FBLN1: variants seen among roughly 807,000 people sequenced by gnomAD.
FBLN1 encodes the protein fibulin-1.
In FBLN1, 34 loss-of-function variants were observed where a neutral mutation model predicts 89.7. The ratio of observed to expected loss-of-function variants is 0.38; its 90% CI spans 0.29 to 0.50. The LOEUF is 0.50. FBLN1 is among the 20% of genes least tolerant of loss of function. The pLI is 0.92. For missense variants in FBLN1, 777 were observed against 988.1 expected (o/e 0.79, Z 2.86); for synonymous variants, 393 against 391.3 (o/e 1.00, Z -0.05).
chr22:45,550,600 G>A lies in FBLN1; in HGVS notation c.1682G>A (p.Arg561His), dbSNP rs373363678. Residue 561 changes from arginine (R) to histidine (H), a missense_variant, in exon 14 of 17, where the codon CGC becomes CAC. Arg to His is a conservative substitution (Grantham distance 29). Transcript: ENST00000327858. This position sits in a 1 kb window ranked among gnomAD's most constrained non-coding sequence, Gnocchi z 8.4. ...CLAFECPENY[R>H]RSAATLQQEK... ...GCCTTCGAGTGCCCTGAGAACTACC[G>A]CCGCTCCGCAGCCACGTAAGTCCCT... 2.7e-5 allele frequency: 44 copies of A among 1,613,922 alleles called. No individual in the cohort carries two copies. Among genetic ancestry groups the A allele is most frequent in the Admixed American group, 6.7e-5 (4 of 60,006 alleles).
intron 1 of FBLN1, chr22:45,517,774 C>A: frequency 2.6e-6 from 1 of 382,586 alleles, no homozygotes; most frequent in Non-Finnish European, 5.3e-6. Flanking sequence ...CCCCCTCCTG[C>A]CCCTTTGCTC....
In FBLN1 at chr22:45,597,249, C is replaced by T. The variant is rs538406671; in HGVS notation, c.1973-3058C>T. ...AACTCATGGGCTTGTGATCTGCCCG[C>T]CTAAGCCTCCCAAAGTGCTGGGATT... is the stretch of plus-strand genomic sequence containing the variant. On this transcript the variant is annotated intron_variant, in intron 16 of 16. Transcript: ENST00000327858. This position sits in a 1 kb window ranked among gnomAD's most constrained non-coding sequence, Gnocchi z 4.2. 4.1e-4 allele frequency among the ~76,000 whole-genome samples: 63 copies of T among 152,304 alleles called. No individual in the cohort carries two copies. Among genetic ancestry groups the T allele is most frequent in the Middle Eastern group, 3.4e-3 (1 of 294 alleles).
intron 16 of FBLN1, among the ~76,000 whole-genome samples, chr22:45,591,563 T>C (rs939884551): frequency 2.6e-5 from 4 of 152,174 alleles, no homozygotes; most frequent in African/African-American, 9.7e-5. Context: ...CTGAGACATG[T>C]TGACTGACAC....
intron 10 of FBLN1, 73 bp downstream of exon 10, chr22:45,542,356 C>T (rs901737773): frequency 1.8e-5 from 28 of 1,580,624 alleles, no homozygotes; most frequent in East Asian, 8.9e-5. Context: ...TGTGGCACCT[C>T]GAGTGATGTG....
Position 45,532,904 on chromosome 22 carries a change from G to T in FBLN1, c.545-159G>T. 3.0e-6 allele frequency: 2 copies of T among 673,788 alleles called. No homozygotes were observed. The highest frequency in any genetic ancestry group is 1.7e-5 in the South Asian group (1 of 58,694). The allele number at this position is 673,788 out of a possible 1,614,324, so 41.7% of individuals were successfully genotyped here. ...GGGTGTCCAGAGCCAGAGCCTGGGG[G>T]TCTCCCAGTAGGGCAGCAGGTGGGC... On this transcript the variant is annotated intron_variant, in intron 5 of 16. Coordinates refer to ENST00000327858, the MANE Select transcript of FBLN1 (RefSeq NM_006486.3). The surrounding 1 kb of genome is among the most constrained non-coding windows in gnomAD (Gnocchi z 4.2).
chr22:45,565,112 C>T (rs372655260), intron 14 of FBLN1: 4 of 1,590,140 alleles, frequency 2.5e-6, no homozygotes, highest in African/African-American at 2.7e-5. Context: ...CTGGCCCTCT[C>T]TCTGATCATG....
intron 10 of FBLN1, among the ~76,000 whole-genome samples, chr22:45,542,691 G>A (rs2146982291): frequency 6.6e-6 from 1 of 152,346 alleles, no homozygotes; most frequent in South Asian, 2.1e-4. Flanking sequence ...CAGGAGTGGG[G>A]TCAGGTCTTG....
Position 45,574,715 on chromosome 22 carries a change from G to C in FBLN1, c.1840+62G>C. The C allele has an allele frequency of 6.7e-7, 1 of 1,494,326 alleles. No individual in the cohort carries two copies. The highest frequency in any genetic ancestry group is 9.2e-7 in the Non-Finnish European group (1 of 1,085,434). 92.6% of individuals were successfully genotyped at this position (1,494,326 alleles called of 1,614,324 possible). On this transcript the variant is annotated intron_variant, in intron 15 of 16. Transcript: ENST00000327858. This position sits in a 1 kb window ranked among gnomAD's most constrained non-coding sequence, Gnocchi z 4.1. ...AGGGCCTCCCTCGGCTTCAGCTGAG[G>C]GCTTGGCCTACAGGAGTTGTTCCTT...
intron 1 of FBLN1, among the ~76,000 whole-genome samples, chr22:45,516,089 G>C (rs958782188): frequency 3.3e-5 from 5 of 152,294 alleles, no homozygotes; most frequent in Admixed American, 3.3e-4. Context: ...TGGGAGCAGA[G>C]GGGCACCCGA....
Position 45,580,109 on chromosome 22 carries a change from C to A in FBLN1, c.1972+3001C>A, listed in dbSNP as rs146592912. 1.3e-5 allele frequency among the ~76,000 whole-genome samples: 2 copies of A among 152,286 alleles called. No homozygotes were observed. The highest frequency in any genetic ancestry group is 4.8e-5 in the African/African-American group (2 of 41,568). On this transcript the variant is annotated intron_variant, in intron 16 of 16. Transcript: ENST00000327858. The surrounding 1 kb of genome is among the most constrained non-coding windows in gnomAD (Gnocchi z 8.6). ...GGAGGGAGCTGAGTTAAATGACCGC[C>A]TGAGACTGTGCAACTGAAAAACTGC...
At chr22:45,538,483 T>C (rs188596434) in intron 8 of FBLN1, among the ~76,000 whole-genome samples, 1 of 152,352 alleles carries the variant, frequency 6.6e-6, no homozygotes, top group East Asian at 1.9e-4. Flanking sequence ...GGGATCAGAC[T>C]GTTCTGCCAC....
chr22:45,518,233 A>G (rs1602167185), intron 1 of FBLN1, among the ~76,000 whole-genome samples: 1 of 152,066 alleles, frequency 6.6e-6, no homozygotes, highest in Non-Finnish European at 1.5e-5. Context: ...TCCTCTGGAA[A>G]GAGTCATGTC....
rs2089020303 is a variant in FBLN1 at position 45,578,862 on chromosome 22, G to T, written c.1972+1754G>T. 6.6e-6 allele frequency among the ~76,000 whole-genome samples: 1 copy of T among 152,210 alleles called. No homozygotes were observed. The highest frequency in any genetic ancestry group is 2.4e-5 in the African/African-American group (1 of 41,452). ...GAACCCTTCTTGAGCCTCTACCTGT[G>T]CCTGACCCTGGGCTAAGCCTTGCAG... On this transcript the variant is annotated intron_variant, in intron 16 of 16. Transcript: ENST00000327858. The surrounding 1 kb of genome is among the most constrained non-coding windows in gnomAD (Gnocchi z 4.6).
intron 1 of FBLN1, among the ~76,000 whole-genome samples, chr22:45,515,085 A>G (rs1262495169): frequency 6.6e-6 from 1 of 152,194 alleles, no homozygotes; most frequent in East Asian, 1.9e-4. Flanking sequence ...AGCAGAATGA[A>G]TGGAAGGGGT....
intron 14 of FBLN1, among the ~76,000 whole-genome samples, chr22:45,559,387 G>A (rs1227523718): frequency 6.6e-6 from 1 of 152,202 alleles, no homozygotes; most frequent in African/African-American, 2.4e-5. Flanking sequence ...TTTTGATGGT[G>A]ACACTAATCT....
At chr22:45,553,819 C>A (rs778405702) in intron 14 of FBLN1, among the ~76,000 whole-genome samples, 6 of 152,148 alleles carry the variant, frequency 3.9e-5, no homozygotes, top group Non-Finnish European at 5.9e-5. Flanking sequence ...GAACACCACG[C>A]ACACCTCCCA....
At position 45,556,735 on chromosome 22, in the gene FBLN1, G is replaced by C. The variant is rs915885505; in HGVS notation, c.1697+6120G>C. ...GACTTAAAGGTAGGAGGAGCTTCAA[G>C]TGTCCAGGTGGCAATCTTAATTTCC... On this transcript the variant is annotated intron_variant, in intron 14 of 16. Coordinates refer to ENST00000327858, the MANE Select transcript of FBLN1 (RefSeq NM_006486.3). This position sits in a 1 kb window ranked among gnomAD's most constrained non-coding sequence, Gnocchi z 4.6. 1.3e-5 allele frequency among the ~76,000 whole-genome samples: 2 copies of C among 152,168 alleles called. No homozygotes were observed. The highest frequency in any genetic ancestry group is 2.9e-5 in the Non-Finnish European group (2 of 68,038).
rs1160465896 is a variant in FBLN1, at chr22:45,525,635, C to T, written c.278C>T (p.Thr93Met). The T allele has an allele frequency of 2.4e-5, 37 of 1,551,132 alleles. No homozygotes were observed. The highest frequency in any genetic ancestry group is 7.3e-5 in the East Asian group (3 of 40,928). The change falls in exon 3 of 17, where the codon ACG (threonine) becomes ATG (methionine). Residue 93 changes from threonine to methionine, a missense_variant. By Grantham distance (81) the Thr-to-Met change is moderately conservative. Transcript: ENST00000327858. ...SLANEQDRCA[T>M]PHGDNASLEA... ...GCCAACGAGCAGGACCGCTGTGCCA[C>T]GCCCCACGGTGACAACGCCAGCCTG...
chr22:45,533,567 G>A (rs557931121), intron 6 of FBLN1, among the ~76,000 whole-genome samples, 194 bp from the exon 7 acceptor site: 11 of 152,188 alleles, frequency 7.2e-5, no homozygotes, highest in African/African-American at 2.7e-4. Flanking sequence ...AGATATGAAC[G>A]TTAGCAGGGG....
Sources: gnomAD v4.1 joint callset for allele counts (sites outside exome capture counted in the v4.1 genomes callset) on GRCh38, gnomAD v4.1.1 for gene constraint, Gnocchi (gnomAD v3.1) non-coding constraint, MANE v1.5 for transcripts, NCBI Gene and HGNC (gene_info 2026-07-23, HGNC 2026-07-21) for gene names.